Variants in MROH2B observed in about 807,000 individuals in gnomAD.
MROH2B encodes the protein maestro heat like repeat family member 2B.
Under a neutral mutation model 208.6 loss-of-function variants are expected in MROH2B, and 177 were observed. The ratio of observed to expected loss-of-function variants is 0.85; its 90% CI spans 0.75 to 0.96. MROH2B has a LOEUF of 0.96. Ranked by LOEUF, MROH2B falls within the 40% of genes least tolerant of loss-of-function variation. MROH2B has a pLI of 0.00. For missense variants in MROH2B, 2,002 were observed against 1,878.7 expected (o/e 1.07, Z -1.21); for synonymous variants, 728 against 659.0 (o/e 1.10, Z -1.60).
At position 40,998,616 on chromosome 5, in the gene MROH2B, G is replaced by A. The variant is rs1203895753; in HGVS notation, c.4647C>T (p.Thr1549=). Residue 1549 remains threonine (T), a synonymous_variant, in exon 41 of 42, where the codon ACC becomes ACT. Transcript: ENST00000399564. ...YVELLDREQL[T]TRLQALRQDP... is the part of the protein sequence containing the mutation. Reference sequence around the variant, plus strand: ...AGAAACTAGGTTGGTACTCACGTGTGGTCAGTTGTTCTCTGTCTAGTAACT... The same window carrying A: ...AGAAACTAGGTTGGTACTCACGTGTAGTCAGTTGTTCTCTGTCTAGTAACT... 5.0e-6 allele frequency: 8 copies of A among 1,594,828 alleles called. No homozygotes were observed. The highest frequency in any genetic ancestry group is 1.7e-5 in the Admixed American group (1 of 57,288).
intron 24 of MROH2B, among the ~76,000 whole-genome samples, chr5:41,024,935 G>A (rs1474394115): frequency 4.6e-5 from 7 of 152,146 alleles, no homozygotes; most frequent in South Asian, 4.1e-4. Flanking sequence ...CTGAGTGACT[G>A]CTGGGTACAT....
chr5:41,011,710 C>T (rs1228800006), intron 30 of MROH2B, among the ~76,000 whole-genome samples: 3 of 151,518 alleles, frequency 2.0e-5, no homozygotes, highest in African/African-American at 7.3e-5. Context: ...CTCTATTGCC[C>T]AGGCTGGAGT....
chr5:41,015,639 T>G (rs771226090), intron 28 of MROH2B, among the ~76,000 whole-genome samples, 161 bp from the exon 29 acceptor site: 10 of 152,234 alleles, frequency 6.6e-5, no homozygotes, highest in Non-Finnish European at 2.9e-5. Context: ...CTGGGCACCA[T>G]GCAGATACTC....
intron 16 of MROH2B, chr5:41,048,081 G>T (rs1301064341): frequency 2.1e-6 from 1 of 474,210 alleles, no homozygotes; most frequent in Non-Finnish European, 3.6e-6. Flanking sequence ...ACAAGAAAAA[G>T]ACGAGAGCAA....
intron 37 of MROH2B, among the ~76,000 whole-genome samples, chr5:41,002,389 C>T (rs1741425041): frequency 6.6e-6 from 1 of 152,120 alleles, no homozygotes; most frequent in Non-Finnish European, 1.5e-5. Context: ...GGAATAGTAG[C>T]AAGAAGGGAA....
At chr5:41,024,675 C>A (rs528054976) in intron 24 of MROH2B, among the ~76,000 whole-genome samples, 1 of 152,280 alleles carries the variant, frequency 6.6e-6, no homozygotes, top group South Asian at 2.1e-4. Context: ...CAGCTCTGCA[C>A]CAAGCAGACC....
intron 24 of MROH2B, among the ~76,000 whole-genome samples, chr5:41,025,068 C>A (rs976985677): frequency 3.3e-5 from 5 of 152,050 alleles, no homozygotes; most frequent in Non-Finnish European, 5.9e-5. Context: ...CACTAAATGC[C>A]CACAACAGAA....
In MROH2B at chr5:41,005,567, C is replaced by T. The variant is rs1029952278; in HGVS notation, c.3828G>A (p.Glu1276=). The change falls in exon 35 of 42, where the codon GAG becomes GAA. Residue 1276 remains glutamate (E), a synonymous_variant. Transcript: ENST00000399564. ...QLLSSLTSSS[E]NYRITGAAFF... ...AAGCTGCGCCGGTTATCCGGTAGTT[C>T]TCCGAGGAGGAGGTAAGAGATGAGA... 3 of 1,609,394 alleles carry T rather than the reference C, an allele frequency of 1.9e-6. No individual in the cohort carries two copies. The African/African-American group carries it at 4.0e-5, about 21-fold the overall frequency.
intron 24 of MROH2B, among the ~76,000 whole-genome samples, chr5:41,026,706 C>T (rs1039566894): frequency 6.6e-6 from 1 of 152,038 alleles, no homozygotes; most frequent in African/African-American, 2.4e-5. Context: ...TCATATGGAA[C>T]CAAAAAAGGG....
chr5:41,042,380 C>T (rs985937215), intron 18 of MROH2B, among the ~76,000 whole-genome samples, 172 bp from the exon 19 acceptor site: 1 of 152,112 alleles, frequency 6.6e-6, no homozygotes, highest in African/African-American at 2.4e-5. Context: ...CAGGCTCTGC[C>T]CTCCATCTGT....
rs562132904 is a variant in MROH2B at position 41,034,074 on chromosome 5, C to G, written c.2215-210G>C. ...TTGTACATTTGCAGAGTCTTTCCCCCAGGTAAGTCATGAGTAAGCTGCAGA... is the reference window on the plus strand; with the variant it reads ...TTGTACATTTGCAGAGTCTTTCCCCGAGGTAAGTCATGAGTAAGCTGCAGA... On this transcript the variant is annotated intron_variant, in intron 21 of 41. Transcript: ENST00000399564. The G allele has an allele frequency of 1.4e-5, 14 of 984,864 alleles. No homozygotes were observed. The East Asian group carries it at 1.1e-3, about 80-fold the overall frequency. The allele number at this position is 984,864 out of a possible 1,614,324, so 61.0% of individuals were successfully genotyped here. A position where few individuals can be genotyped will look rare whatever the true frequency, so the allele number is the denominator to read the frequency against.
In MROH2B at chr5:41,009,451, C is replaced by T. The variant is rs199655953; in HGVS notation, c.3294-45G>A. 1.6e-4 allele frequency: 253 copies of T among 1,599,874 alleles called. No individual in the cohort carries two copies. The African/African-American group carries it at 2.9e-3, about 18-fold the overall frequency. On this transcript the variant is annotated intron_variant, in intron 31 of 41. Coordinates refer to ENST00000399564, the MANE Select transcript of MROH2B (RefSeq NM_173489.5). The stretch of plus-strand genomic sequence containing the variant: ...AATTGGTAGATAAGGCACAACCCCT[C>T]GGGCTGTAAGCTTTTCCATCTGACT...
chr5:41,004,126 A>T (rs540494683), intron 37 of MROH2B, among the ~76,000 whole-genome samples: 1 of 152,282 alleles, frequency 6.6e-6, no homozygotes, highest in East Asian at 1.9e-4. Flanking sequence ...ATTCTGGCTC[A>T]ACTAGCTTAG....
chr5:41,027,481 A>G (rs2150163450), intron 24 of MROH2B, among the ~76,000 whole-genome samples: 1 of 152,302 alleles, frequency 6.6e-6, no homozygotes, highest in East Asian at 1.9e-4. Context: ...AATCAAAACC[A>G]CAGTGAGATA....
Position 41,039,564 on chromosome 5 carries a change from A to T in MROH2B, c.1954-9T>A, listed in dbSNP as rs775923902. Reference sequence around the variant, plus strand: ...AAAATAGATGTTATTCCCTAAAATCAGAAAAGGTATGACATTTTGAGTTTA... The same window carrying T: ...AAAATAGATGTTATTCCCTAAAATCTGAAAAGGTATGACATTTTGAGTTTA... On this transcript the variant is annotated splice_polypyrimidine_tract_variant and intron_variant, in intron 19 of 41. Transcript: ENST00000399564. The T allele has an allele frequency of 6.5e-7, 1 of 1,540,472 alleles. No homozygotes were observed. The highest frequency in any genetic ancestry group is 1.2e-5 in the South Asian group (1 of 83,706).
At chr5:41,063,355 C>G (rs894590028) in intron 5 of MROH2B, among the ~76,000 whole-genome samples, 1 of 152,142 alleles carries the variant, frequency 6.6e-6, no homozygotes, top group Non-Finnish European at 1.5e-5. Context: ...TTGGCTCTGC[C>G]ATGTACTGGC....
intron 18 of MROH2B, among the ~76,000 whole-genome samples, 195 bp downstream of exon 18, chr5:41,045,551 A>C (rs1743088385): frequency 1.3e-5 from 2 of 152,146 alleles, no homozygotes; most frequent in Non-Finnish European, 2.9e-5. Flanking sequence ...TGGCCATATG[A>C]GTAAATTTGG....
chr5:41,065,178 C>T (rs1474273212), intron 4 of MROH2B, among the ~76,000 whole-genome samples, 153 bp downstream of exon 4: 2 of 152,192 alleles, frequency 1.3e-5, no homozygotes, highest in South Asian at 2.1e-4. Context: ...CATCCATGCT[C>T]ATTTTAAACA....
chr5:41,020,421 G>A (rs1216516136), intron 24 of MROH2B, among the ~76,000 whole-genome samples: 2 of 151,936 alleles, frequency 1.3e-5, no homozygotes, highest in Admixed American at 1.3e-4. Flanking sequence ...TGTTAACATG[G>A]CAACCTGTGC....
Sources: allele counts gnomAD v4.1 joint callset (sites outside exome capture counted in the v4.1 genomes callset), GRCh38; gene constraint gnomAD v4.1.1; transcripts MANE v1.5; gene names NCBI Gene and HGNC (gene_info 2026-07-23, HGNC 2026-07-21).